The following CD1B variants were observed in gnomAD, a reference collection of about 807,000 sequenced individuals.
The protein encoded by CD1B is CD1b molecule.
CD1B carries 43 observed loss-of-function variants against 39.8 expected under a neutral mutation model. The observed-to-expected ratio is 1.08, with a 90% CI of 0.85 to 1.39. The LOEUF (loss-of-function observed/expected upper bound fraction) is 1.39. Among genes scored for constraint, CD1B ranks in the 40% most tolerant of loss-of-function variants. The pLI is 0.00. For missense variants in CD1B, 495 were observed against 403.8 expected (o/e 1.23, Z -1.94); for synonymous variants, 192 against 152.5 (o/e 1.26, Z -1.91).
chr1:158,327,049 G>A (rs1332775484), downstream of CD1B, among the ~76,000 whole-genome samples: 11 of 152,000 alleles, frequency 7.2e-5, no homozygotes, highest in South Asian at 2.1e-4. Flanking sequence ...CACCTGCCTC[G>A]GCCTCCCAAA....
Position 158,331,495 on chromosome 1 carries a change from A to T in CD1B, c.-72T>A. The T allele has an allele frequency of 8.4e-7, 1 of 1,193,092 alleles. No homozygotes were observed. The highest frequency in any genetic ancestry group is 1.3e-5 in the South Asian group (1 of 78,398). 73.9% of individuals were successfully genotyped at this position (1,193,092 alleles called of 1,614,324 possible). A position where few individuals can be genotyped will look rare whatever the true frequency, so the allele number is the denominator to read the frequency against. ...TCCAATTTCAGCAAAGCTTTTCCTCAGTACCCTGTAGTGACTTCTTCTCTC... is the reference window on the plus strand; with the variant it reads ...TCCAATTTCAGCAAAGCTTTTCCTCTGTACCCTGTAGTGACTTCTTCTCTC... On this transcript the variant is annotated 5_prime_UTR_variant, in exon 1 of 6. Coordinates refer to ENST00000368168, the MANE Select transcript of CD1B (RefSeq NM_001764.3).
At chr1:158,310,194 T>G in the CD1B span, among the ~76,000 whole-genome samples, 1 of 152,124 alleles carries the variant, frequency 6.6e-6, no homozygotes, top group South Asian at 2.1e-4. Flanking sequence ...TCTTTGACAA[T>G]GTCAACAGTA....
the CD1B span, chr1:158,291,041 G>A: frequency 7.7e-7 from 1 of 1,305,576 alleles, no homozygotes. Context: ...ATGTTTCTCT[G>A]TGGTAACTGG....
rs1027448219 is a variant in CD1B at position 158,329,619 on chromosome 1, G to A, written c.637C>T (p.Pro213Ser). Residue 213 changes from proline to serine, a missense_variant, in exon 4 of 6, where the codon CCC becomes TCC. Physicochemically the swap from Pro to Ser is moderately conservative, Grantham distance 74 (BLOSUM62 -1). Coordinates refer to ENST00000368168, the MANE Select transcript of CD1B (RefSeq NM_001764.3). ...TGCAGACGGCCAGGTCCAGGACTGG[G>A]GCCACTGGACAGCCAGGCCTCAGGC... Reference protein sequence around the residue: ...VKPEAWLSSGPSPGPGRLQLV... With the variant: ...VKPEAWLSSGSSPGPGRLQLV... 1 of 1,614,062 alleles carries A rather than the reference G, an allele frequency of 6.2e-7. No individual in the cohort carries two copies. The highest frequency in any genetic ancestry group is 8.5e-7 in the Non-Finnish European group (1 of 1,180,032).
the CD1B span, among the ~76,000 whole-genome samples, chr1:158,299,514 G>A: frequency 6.6e-6 from 1 of 152,092 alleles, no homozygotes; most frequent in Non-Finnish European, 1.5e-5. Context: ...ATGAGTAAGG[G>A]AGGATTCCCT....
In CD1B at chr1:158,327,958, T is replaced by C. The variant is rs1652421673; in HGVS notation, c.*278A>G. 3.0e-6 allele frequency: 1 copy of C among 338,564 alleles called. No individual in the cohort carries two copies. Among genetic ancestry groups the C allele is most frequent in the Non-Finnish European group, 5.3e-6 (1 of 187,920 alleles). The allele number at this position is 338,564 out of a possible 1,614,324, so 21.0% of individuals were successfully genotyped here. A position where few individuals can be genotyped will look rare whatever the true frequency, so the allele number is the denominator to read the frequency against. On this transcript the variant is annotated 3_prime_UTR_variant, in exon 6 of 6. Coordinates refer to ENST00000368168, the MANE Select transcript of CD1B (RefSeq NM_001764.3). ...GCCAAAGGGAGTCACCATTAAGTCATATGTATTATATTTCATTTATTTTGA... is the reference window on the plus strand; with the variant it reads ...GCCAAAGGGAGTCACCATTAAGTCACATGTATTATATTTCATTTATTTTGA...
At chr1:158,329,043 T>G in intron 4 of CD1B, 29 bp from the exon 5 acceptor site, 1 of 1,544,332 alleles carries the variant, frequency 6.5e-7, no homozygotes. Context: ...CAAAAGGATG[T>G]CACTTCAGAT....
At chr1:158,324,017 G>A (rs938314785), downstream of CD1B, among the ~76,000 whole-genome samples, 4 of 152,208 alleles carry the variant, frequency 2.6e-5, no homozygotes, top group Non-Finnish European at 5.9e-5. Flanking sequence ...TGTGTGAGCA[G>A]TAATAAACTC....
chr1:158,311,032 C>CA, the CD1B span, among the ~76,000 whole-genome samples: 1 of 152,044 alleles, frequency 6.6e-6, no homozygotes, highest in Non-Finnish European at 1.5e-5. Context: ...AACAAACCTT[C>CA]AAATGTAGCT....
the CD1B span, among the ~76,000 whole-genome samples, chr1:158,319,271 T>C: frequency 6.6e-6 from 1 of 152,104 alleles, no homozygotes; most frequent in East Asian, 1.9e-4. Context: ...TCCAACTTGG[T>C]TCCATTCTCC....
the CD1B span, among the ~76,000 whole-genome samples, chr1:158,315,852 A>T: frequency 0.089 from 13,522 of 151,998 alleles, 1,271 homozygotes; most frequent in African/African-American, 0.21. Flanking sequence ...TAAGGAAGGG[A>T]TCCAGTTTCA....
the CD1B span, among the ~76,000 whole-genome samples, chr1:158,318,364 A>C: frequency 2.7e-3 from 410 of 152,248 alleles, no homozygotes; most frequent in African/African-American, 9.2e-3. Context: ...GGGTGCATAT[A>C]TATTTAGGAT....
the CD1B span, among the ~76,000 whole-genome samples, chr1:158,316,544 A>T: frequency 6.6e-6 from 1 of 151,934 alleles, no homozygotes; most frequent in Non-Finnish European, 1.5e-5. Flanking sequence ...TTATCTGCTT[A>T]AGGAGATTTT....
the CD1B span, among the ~76,000 whole-genome samples, chr1:158,316,500 T>C: frequency 6.6e-6 from 1 of 151,950 alleles, no homozygotes; most frequent in Admixed American, 6.6e-5. Context: ...TTTTTGTACA[T>C]TGATTTTGTA....
At chr1:158,305,604 A>G in the CD1B span, among the ~76,000 whole-genome samples, 3 of 152,198 alleles carry the variant, frequency 2.0e-5, no homozygotes, top group African/African-American at 7.2e-5. Flanking sequence ...CTCCTCAAGA[A>G]GAGCAACTCC....
chr1:158,328,264 A>G lies in CD1B; in HGVS notation c.981-7T>C, dbSNP rs1281990534. The G allele has an allele frequency of 6.2e-7, 1 of 1,609,620 alleles. No individual in the cohort carries two copies. The highest frequency in any genetic ancestry group is 8.5e-7 in the Non-Finnish European group (1 of 1,176,294). Reference sequence around the variant, plus strand: ...TGGGATATTCTGATATGACCTGTTAAAAACAGAAGAACAAAAGAGCTCCAC... The same window carrying G: ...TGGGATATTCTGATATGACCTGTTAGAAACAGAAGAACAAAAGAGCTCCAC... On this transcript the variant is annotated splice_polypyrimidine_tract_variant and splice_region_variant and intron_variant, in intron 5 of 5. Coordinates refer to ENST00000368168, the MANE Select transcript of CD1B (RefSeq NM_001764.3).
the CD1B span, among the ~76,000 whole-genome samples, chr1:158,300,302 T>C: frequency 1.3e-5 from 2 of 152,242 alleles, no homozygotes; most frequent in African/African-American, 2.4e-5. Flanking sequence ...AGTGAGTTTC[T>C]TAATCCTGAG....
chr1:158,301,236 C>T, the CD1B span, among the ~76,000 whole-genome samples: 6 of 152,018 alleles, frequency 3.9e-5, no homozygotes, highest in African/African-American at 1.5e-4. Context: ...GGTCTTGACT[C>T]TTTATCCAAT....
the CD1B span, chr1:158,292,525 G>A: frequency 7.8e-6 from 12 of 1,532,982 alleles, no homozygotes; most frequent in Non-Finnish European, 1.1e-5. Flanking sequence ...GCATATTCAT[G>A]TGGATGTGTG....
Sources: allele counts gnomAD v4.1 joint callset (sites outside exome capture counted in the v4.1 genomes callset), GRCh38; gene constraint gnomAD v4.1.1; transcripts MANE v1.5; gene names NCBI Gene and HGNC (gene_info 2026-07-23, HGNC 2026-07-21).